TAFA5: variants seen among roughly 807,000 people sequenced by gnomAD.
TAFA5 encodes the protein chemokine-like protein TAFA-5.
In TAFA5, 6 loss-of-function variants were observed where a neutral mutation model predicts 15.3. The observed-to-expected ratio is 0.39, with a 90% CI of 0.21 to 0.77. TAFA5 has a LOEUF of 0.77. TAFA5 is among the 30% of genes least tolerant of loss of function. TAFA5 has a pLI of 0.41. For synonymous variants in TAFA5, 103 were observed against 80.7 expected (o/e 1.28, Z -1.48); for missense variants, 161 against 193.1 (o/e 0.83, Z 0.98).
At chr22:48,498,432 T>C (rs1341546829) in intron 1 of TAFA5, among the ~76,000 whole-genome samples, 1 of 152,052 alleles carries the variant, frequency 6.6e-6, no homozygotes, top group Non-Finnish European at 1.5e-5. Context: ...TGATTAATAA[T>C]AATAATATGT....
chr22:48,740,650 T>C (rs962901232), intron 3 of TAFA5, among the ~76,000 whole-genome samples: 7 of 152,104 alleles, frequency 4.6e-5, no homozygotes, highest in African/African-American at 1.7e-4. Context: ...AGGGACAGAT[T>C]CCAGAGAGAG....
chr22:48,535,012 C>T (rs1384507151), intron 1 of TAFA5, among the ~76,000 whole-genome samples: 1 of 152,118 alleles, frequency 6.6e-6, no homozygotes, highest in Non-Finnish European at 1.5e-5. Flanking sequence ...AGCTCTGTCA[C>T]CCCAGCCAGC....
At chr22:48,501,836 C>G (rs28418621) in intron 1 of TAFA5, among the ~76,000 whole-genome samples, 5,647 of 152,290 alleles carry the variant, frequency 0.037, 345 homozygotes, top group African/African-American at 0.13. Context: ...CCCCACTACA[C>G]CCAGACCCAC....
intron 2 of TAFA5, among the ~76,000 whole-genome samples, 187 bp downstream of exon 2, chr22:48,646,933 G>A (rs1926890021): frequency 6.6e-6 from 1 of 152,204 alleles, no homozygotes. Context: ...GGACTGGCTG[G>A]GGTGCAGTCT....
chr22:48,667,675 G>A lies in TAFA5; in HGVS notation c.262+20929G>A, dbSNP rs112849087. Among the ~76,000 whole-genome samples the A allele has an allele frequency of 3.7e-3, 556 of 151,054 alleles. 11 individuals are homozygous for A. Among genetic ancestry groups the A allele is most frequent in the African/African-American group, 0.013 (527 of 40,418 alleles). On this transcript the variant is annotated intron_variant, in intron 2 of 3. Transcript: ENST00000402357. ...TCTGACTCCCCTGGCAAAAATAATC[G>A]GCTTCTGGCCACCAGGGCCACAGAC...
chr22:48,641,652 A>C (rs1289714034), intron 1 of TAFA5, among the ~76,000 whole-genome samples: 1 of 113,418 alleles, frequency 8.8e-6, no homozygotes. Context: ...CCCTCCCCTC[A>C]CACACGATGC....
At chr22:48,539,213 A>G (rs570683038) in intron 1 of TAFA5, 1 of 341,108 alleles carries the variant, frequency 2.9e-6, no homozygotes, top group Admixed American at 3.8e-5. Context: ...CTCACTGAGG[A>G]TGCTGGCTGT....
intron 2 of TAFA5, among the ~76,000 whole-genome samples, chr22:48,650,893 C>T (rs938243107): frequency 6.6e-6 from 1 of 152,196 alleles, no homozygotes; most frequent in Non-Finnish European, 1.5e-5. Flanking sequence ...TCCTTTCTAG[C>T]TGTTTATGCA....
chr22:48,591,307 A>T (rs1924558335), intron 1 of TAFA5, among the ~76,000 whole-genome samples: 1 of 152,220 alleles, frequency 6.6e-6, no homozygotes, highest in Non-Finnish European at 1.5e-5. Context: ...ATCTTCTAGA[A>T]GGGATCGTGG....
Position 48,530,060 on chromosome 22 carries a change from T to C in TAFA5, c.112+40356T>C, listed in dbSNP as rs1921921955. Among the ~76,000 whole-genome samples, 1 of 152,132 alleles carries C rather than the reference T, an allele frequency of 6.6e-6. No individual in the cohort carries two copies. The highest frequency in any genetic ancestry group is 1.5e-5 in the Non-Finnish European group (1 of 67,998). ...GTGGCTGCAGAGGCCGTGGGCCCTC[T>C]GCTTTGTGGGGCTGGGCTGAGTAGG... On this transcript the variant is annotated intron_variant, in intron 1 of 3. Coordinates refer to ENST00000402357, the MANE Select transcript of TAFA5 (RefSeq NM_001082967.3). The surrounding 1 kb of genome is among the most constrained non-coding windows in gnomAD (Gnocchi z 6.0).
intron 1 of TAFA5, among the ~76,000 whole-genome samples, chr22:48,641,214 C>T (rs1926664530): frequency 6.6e-6 from 1 of 152,188 alleles, no homozygotes; most frequent in Non-Finnish European, 1.5e-5. Flanking sequence ...TGGTGGTTCC[C>T]TGCTGCCTTA....
At chr22:48,747,860 G>A (rs1464307505) in intron 3 of TAFA5, among the ~76,000 whole-genome samples, 1 of 143,010 alleles carries the variant, frequency 7.0e-6, no homozygotes, top group African/African-American at 2.6e-5. Flanking sequence ...TCGCACCACT[G>A]TACTTCAGCC....
At chr22:48,520,429 T>C (rs1206543406) in intron 1 of TAFA5, among the ~76,000 whole-genome samples, 1 of 152,220 alleles carries the variant, frequency 6.6e-6, no homozygotes, top group African/African-American at 2.4e-5. Context: ...CCCAAGGCTG[T>C]TCCAACACCC....
intron 1 of TAFA5, among the ~76,000 whole-genome samples, chr22:48,610,405 C>T (rs927861932): frequency 5.3e-5 from 8 of 152,220 alleles, no homozygotes; most frequent in African/African-American, 9.6e-5. Flanking sequence ...GCGCCCTGGC[C>T]GGCGTATAAA....
intron 2 of TAFA5, among the ~76,000 whole-genome samples, chr22:48,698,450 A>G (rs1473116206): frequency 6.6e-6 from 1 of 151,628 alleles, no homozygotes. Flanking sequence ...GGTGATGGTG[A>G]TGATGATGAT....
At chr22:48,528,348 G>A (rs573418964) in intron 1 of TAFA5, among the ~76,000 whole-genome samples, 2 of 152,286 alleles carry the variant, frequency 1.3e-5, no homozygotes, top group East Asian at 3.9e-4. Flanking sequence ...TCCAGGAAAG[G>A]GTTCTGCTCT....
intron 2 of TAFA5, among the ~76,000 whole-genome samples, chr22:48,691,312 T>A (rs1846096736): frequency 6.6e-6 from 1 of 152,190 alleles, no homozygotes; most frequent in African/African-American, 2.4e-5. Flanking sequence ...GGGGCCGTCT[T>A]TCCAAAGCCC....
rs1924835648 is a variant in TAFA5, at chr22:48,598,069, A to G, written c.113-48528A>G. 6.6e-6 allele frequency among the ~76,000 whole-genome samples: 1 copy of G among 152,162 alleles called. No homozygotes were observed. Among genetic ancestry groups the G allele is most frequent in the South Asian group, 2.1e-4 (1 of 4,824 alleles). ...TTTAAAAATAAGCTTCTGCAGTTTC[A>G]GAGGCTGTCAGTATGACATCTGCAG... On this transcript the variant is annotated intron_variant, in intron 1 of 3. Transcript: ENST00000402357. The surrounding 1 kb of genome is among the most constrained non-coding windows in gnomAD (Gnocchi z 4.0).
At chr22:48,643,838 A>G (rs545368004) in intron 1 of TAFA5, among the ~76,000 whole-genome samples, 1 of 152,316 alleles carries the variant, frequency 6.6e-6, no homozygotes, top group African/African-American at 2.4e-5. Flanking sequence ...GGCTGATGTC[A>G]GAGGGAAGGG....
Sources: gnomAD v4.1 joint callset for allele counts (sites outside exome capture counted in the v4.1 genomes callset) on GRCh38, gnomAD v4.1.1 for gene constraint, Gnocchi (gnomAD v3.1) non-coding constraint, MANE v1.5 for transcripts, NCBI Gene and HGNC (gene_info 2026-07-23, HGNC 2026-07-21) for gene names.